MDN1: variants seen among roughly 807,000 people sequenced by gnomAD.
MDN1 encodes the protein midasin.
A neutral mutation model predicts 669.2 loss-of-function variants in MDN1; 266 were observed. The observed-to-expected ratio is 0.40, with a 90% CI of 0.36 to 0.44. The LOEUF (loss-of-function observed/expected upper bound fraction) is 0.44, where lower values mean the gene tolerates loss of function less well. Ranked by LOEUF, MDN1 falls within the 20% of genes least tolerant of loss-of-function variation. The pLI, the probability that MDN1 is intolerant of heterozygous loss-of-function variation, is 1.00. For missense variants in MDN1, 5,940 were observed against 6,754.0 expected, an observed-to-expected ratio of 0.88 and a Z score of 4.22; for synonymous variants, 2,385 against 2,457.1, an observed-to-expected ratio of 0.97 and a Z score of 0.87.
chr6:89,782,465 G>A (rs144609104), intron 9 of MDN1, among the ~76,000 whole-genome samples: 11 of 152,104 alleles, frequency 7.2e-5, no homozygotes, highest in African/African-American at 2.4e-4. Flanking sequence ...GCACACACCT[G>A]TAGTCAGTCC....
Position 89,692,795 on chromosome 6 carries a change from C to A in MDN1, c.10235G>T (p.Arg3412Met). Reference protein sequence around the residue: ...ASILQLQHGMRLVASELHTSL... With the variant: ...ASILQLQHGMMLVASELHTSL... ...GGTGTGGAGCTCAGAGGCCACCAGC[C>A]TCATGCCATGTTGTAACTGCAATAT... Residue 3412 changes from arginine to methionine, a missense_variant, in exon 63 of 102, where the codon AGG (arginine) becomes ATG (methionine). Physicochemically the swap from Arg to Met is moderately conservative, Grantham distance 91 (BLOSUM62 -1). Around this residue, in one of 5 missense-constraint regions of MDN1, gnomAD observed 150 missense variants for 234.2 expected, o/e 0.64. Coordinates refer to ENST00000369393, the MANE Select transcript of MDN1 (RefSeq NM_014611.3). 1 of 1,614,150 alleles carries A rather than the reference C, an allele frequency of 6.2e-7. No individual in the cohort carries two copies. The highest frequency in any genetic ancestry group is 8.5e-7 in the Non-Finnish European group (1 of 1,180,022).
intron 1 of MDN1, among the ~76,000 whole-genome samples, chr6:89,816,561 T>TA (rs1768849272): frequency 6.6e-6 from 1 of 151,842 alleles, no homozygotes; most frequent in African/African-American, 2.4e-5. Context: ...CCTATCTCTT[T>TA]AAAAAATAAT....
chr6:89,750,492 T>A lies in MDN1; in HGVS notation c.3268A>T (p.Lys1090Ter). The A allele has an allele frequency of 6.2e-7, 1 of 1,613,824 alleles. No homozygotes were observed. ...VLIQGETSVG[K>*]TSLIQWLAAA... ...GCCAGCCACTGGATCAGGCTTGTTT[T>A]ACCAACTGATGTCTCTCCCTGAATC... The change falls in exon 24 of 102, where the codon AAA becomes TAA. Residue 1090 changes from lysine (K) to a stop codon, truncating the protein, a stop_gained. Transcript: ENST00000369393. LOFTEE classifies it high-confidence loss of function.
At chr6:89,670,193 G>T (rs1810643413) in intron 83 of MDN1, among the ~76,000 whole-genome samples, 2 of 36,366 alleles carry the variant, frequency 5.5e-5, no homozygotes, top group South Asian at 7.3e-4. Flanking sequence ...TTTTTTTTGA[G>T]ATGCAGTTTT....
At chr6:89,754,668 G>C (rs56028332) in intron 20 of MDN1, among the ~76,000 whole-genome samples, 4,197 of 152,278 alleles carry the variant, frequency 0.028, 84 homozygotes, top group Non-Finnish European at 0.041. Context: ...ACGTTAAAAA[G>C]CAGGAGGATA....
chr6:89,687,787 C>G lies in MDN1; in HGVS notation c.11355+291G>C, dbSNP rs112405761. 5.8e-3 allele frequency among the ~76,000 whole-genome samples: 882 copies of G among 152,216 alleles called. 9 individuals carry two copies. Among genetic ancestry groups the G allele is most frequent in the African/African-American group, 0.02 (845 of 41,524 alleles). ...AGGCCATGAGGGCACTGAGGGGAACCGTGTATGTGGGCACTCAGTTGGAAT... is the reference window on the plus strand; with the variant it reads ...AGGCCATGAGGGCACTGAGGGGAACGGTGTATGTGGGCACTCAGTTGGAAT... On this transcript the variant is annotated intron_variant, in intron 67 of 101. Transcript: ENST00000369393.
intron 33 of MDN1, among the ~76,000 whole-genome samples, chr6:89,737,004 C>T (rs1236317715): frequency 6.6e-6 from 1 of 152,056 alleles, no homozygotes; most frequent in African/African-American, 2.4e-5. Context: ...GGTGTGGGGC[C>T]CTGTAAGCTG....
chr6:89,668,299 T>C, intron 83 of MDN1, 148 bp from the exon 84 acceptor site: 2 of 955,120 alleles, frequency 2.1e-6, no homozygotes, highest in Non-Finnish European at 3.1e-6. Flanking sequence ...TACAGGAGAC[T>C]TCTGACATTC....
In MDN1 at chr6:89,759,901, G is replaced by A. The variant is rs562660370; in HGVS notation, c.2461-941C>T. ...AGCCTGGCCAACATGGCAAAACCCC[G>A]TCTCTACTAAAAATACAAAAATTAG... is the stretch of plus-strand genomic sequence containing the variant. On this transcript the variant is annotated intron_variant, in intron 17 of 101. Transcript: ENST00000369393. Among the ~76,000 whole-genome samples the A allele has an allele frequency of 4.1e-5, 6 of 145,500 alleles. No homozygotes were observed. The East Asian group carries it at 6.2e-4, about 15-fold the overall frequency.
intron 13 of MDN1, 126 bp from the exon 14 acceptor site, chr6:89,772,847 G>T: frequency 9.7e-7 from 1 of 1,030,410 alleles, no homozygotes; most frequent in Non-Finnish European, 1.4e-6. Context: ...CTGTCTTCAA[G>T]CTATACCAGA....
In MDN1 at chr6:89,693,165, A is replaced by G; in HGVS notation, c.9882-17T>C. On this transcript the variant is annotated splice_polypyrimidine_tract_variant and intron_variant, in intron 62 of 101. Coordinates refer to ENST00000369393, the MANE Select transcript of MDN1 (RefSeq NM_014611.3). Reference sequence around the variant, plus strand: ...CGAAGCAGCCTAACGGGAAATTAACACAATATGCCAATTATGTCAGAAGAA... The same window carrying G: ...CGAAGCAGCCTAACGGGAAATTAACGCAATATGCCAATTATGTCAGAAGAA... 6.6e-7 allele frequency: 1 copy of G among 1,514,890 alleles called. No individual in the cohort carries two copies. 93.8% of individuals were successfully genotyped at this position (1,514,890 alleles called of 1,614,324 possible). A position where few individuals can be genotyped will look rare whatever the true frequency, so the allele number is the denominator to read the frequency against.
At chr6:89,805,056 A>AAAAAAAAAAC (rs1767927186) in intron 1 of MDN1, among the ~76,000 whole-genome samples, 1 of 151,498 alleles carries the variant, frequency 6.6e-6, no homozygotes, top group Non-Finnish European at 1.5e-5. Context: ...AAAAAAAAAA[A>AAAAAAAAAAC]AAATTCTAGT....
intron 60 of MDN1, 119 bp downstream of exon 60, chr6:89,696,241 T>A: frequency 8.7e-7 from 1 of 1,154,954 alleles, no homozygotes; most frequent in Non-Finnish European, 1.2e-6. Flanking sequence ...AGGCAGAAAA[T>A]ACCCTCACTT....
chr6:89,708,764 TAC>T, intron 50 of MDN1, 136 bp from the exon 51 acceptor site: 1 of 904,724 alleles, frequency 1.1e-6, no homozygotes, highest in Admixed American at 2.3e-5. Flanking sequence ...AACCAGTAAA[TAC>T]CATGAGTTTC....
At chr6:89,715,790 T>A in intron 44 of MDN1, 21 bp from the exon 45 acceptor site, 1 of 1,495,018 alleles carries the variant, frequency 6.7e-7, no homozygotes, top group Non-Finnish European at 9.3e-7. Flanking sequence ...AGAATTCAGA[T>A]GGTGGATAGG....
Position 89,654,703 on chromosome 6 carries a change from T to G in MDN1, c.15491-369A>C, listed in dbSNP as rs116706504. 3.1e-3 allele frequency among the ~76,000 whole-genome samples: 475 copies of G among 152,292 alleles called. 1 individual carries two copies. The highest frequency in any genetic ancestry group is 0.011 in the African/African-American group (452 of 41,558). ...GTGACTCTAACAATAATTTATTATA[T>G]ATTTTCAAATGACTAGAAGAGCAGA... is the stretch of plus-strand genomic sequence containing the variant. On this transcript the variant is annotated intron_variant, in intron 92 of 101. Transcript: ENST00000369393.
chr6:89,678,847 G>A, intron 74 of MDN1, 102 bp from the exon 75 acceptor site: 1 of 1,225,802 alleles, frequency 8.2e-7, no homozygotes, highest in Non-Finnish European at 1.1e-6. Flanking sequence ...GAGAACAAAG[G>A]CCAAGTATCA....
Position 89,743,452 on chromosome 6 carries a change from G to A in MDN1, c.4317+124C>T, listed in dbSNP as rs1286955127. ...TGCTTGTGAAGGCCCTTGTAGACCA[G>A]AGAAAATCTGCAGATATGCACATTT... is the stretch of plus-strand genomic sequence containing the variant. On this transcript the variant is annotated intron_variant, in intron 30 of 101. Transcript: ENST00000369393. 4 of 1,353,556 alleles carry A rather than the reference G, an allele frequency of 3.0e-6. 1 individual carries two copies. The East Asian group carries it at 9.2e-5, about 31-fold the overall frequency. The allele number at this position is 1,353,556 out of a possible 1,614,324, so 83.8% of individuals were successfully genotyped here. A position where few individuals can be genotyped will look rare whatever the true frequency, so the allele number is the denominator to read the frequency against.
At chr6:89,798,181 C>CAAAAAA (rs10706907) in intron 2 of MDN1, among the ~76,000 whole-genome samples, 4 of 71,522 alleles carry the variant, frequency 5.6e-5, no homozygotes, top group Non-Finnish European at 1.0e-4. Context: ...GACTCTGTCT[C>CAAAAAA]AAAAAAAAAA....
Sources: allele counts gnomAD v4.1 joint callset (sites outside exome capture counted in the v4.1 genomes callset), GRCh38; gene constraint gnomAD v4.1.1; regional missense constraint gnomAD v4.1.1; transcripts MANE v1.5; gene names NCBI Gene and HGNC (gene_info 2026-07-23, HGNC 2026-07-21).